Variants in FARP2 observed in about 807,000 individuals in gnomAD.
FARP2 encodes FERM, ARH/RhoGEF and pleckstrin domain protein 2.
In FARP2, 111 loss-of-function variants were observed where a neutral mutation model predicts 130.5. The observed-to-expected ratio is 0.85, with a 90% confidence interval of 0.73 to 1.00. The LOEUF (loss-of-function observed/expected upper bound fraction) is 1.00. Among genes scored for constraint, FARP2 ranks in the 50% least tolerant of loss-of-function variants. FARP2 has a pLI of 0.00. For missense variants in FARP2, 1,385 were observed against 1,346.3 expected (o/e 1.03, Z -0.45); for synonymous variants, 504 against 516.9 (o/e 0.98, Z 0.34).
rs1435000427 is a variant in FARP2 at position 241,436,517 on chromosome 2, G to C, written c.1137G>C (p.Leu379=). The C allele has an allele frequency of 1.6e-5, 26 of 1,614,218 alleles. No homozygotes were observed. Among genetic ancestry groups the C allele is most frequent in the Non-Finnish European group, 2.2e-5 (26 of 1,180,028 alleles). The change falls in exon 12 of 27, where the codon CTG becomes CTC. Residue 379 remains leucine (L), a synonymous_variant. Coordinates refer to ENST00000264042, the MANE Select transcript of FARP2 (RefSeq NM_014808.4). Reference sequence around the variant, plus strand: ...AGACCCACACGTCCGTTCGAGCTCTGACTGCAGACCTACCAAAACAGGTTA... The same window carrying C: ...AGACCCACACGTCCGTTCGAGCTCTCACTGCAGACCTACCAAAACAGGTTA... The part of the protein sequence containing the change: ...HSKTHTSVRA[L]TADLPKQSIS...
chr2:241,363,153 C>T (rs2061228307), intron 1 of FARP2, among the ~76,000 whole-genome samples: 1 of 152,224 alleles, frequency 6.6e-6, no homozygotes, highest in Non-Finnish European at 1.5e-5. Flanking sequence ...TCTGGCTGTC[C>T]AAAACCTGAA....
At chr2:241,387,102 T>C (rs2061802560) in intron 2 of FARP2, 1 of 152,238 alleles carries the variant, frequency 6.6e-6, no homozygotes, top group South Asian at 2.1e-4. Context: ...CACATTCTAG[T>C]TGCTCTTCTA....
At chr2:241,406,367 T>TTATA (rs142541198) in intron 4 of FARP2, among the ~76,000 whole-genome samples, 2 of 150,198 alleles carry the variant, frequency 1.3e-5, no homozygotes, top group African/African-American at 2.4e-5. Flanking sequence ...CTCTCTCTCT[T>TTATA]TATATATATA....
intron 1 of FARP2, among the ~76,000 whole-genome samples, chr2:241,363,213 G>T (rs1307397964): frequency 6.6e-6 from 1 of 152,178 alleles, no homozygotes. Context: ...TTTTGTAGTT[G>T]GGCCCCAAGA....
chr2:241,484,214 C>G, intron 20 of FARP2, 28 bp from the exon 21 acceptor site: 3 of 1,613,730 alleles, frequency 1.9e-6, no homozygotes, highest in Non-Finnish European at 2.5e-6. Context: ...TTGTGAAGTT[C>G]ATGGATGTAA....
At chr2:241,471,955 G>GC (rs2064328221) in intron 18 of FARP2, among the ~76,000 whole-genome samples, 48 of 151,232 alleles carry the variant, frequency 3.2e-4, no homozygotes, top group East Asian at 9.8e-4. Flanking sequence ...ATCCTGTTCT[G>GC]AAGGAATCCT....
At chr2:241,400,442 C>T (rs1051663661) in intron 2 of FARP2, among the ~76,000 whole-genome samples, 2 of 152,136 alleles carry the variant, frequency 1.3e-5, no homozygotes, top group African/African-American at 4.8e-5. Context: ...GGAACACACC[C>T]AAACAAATAA....
intron 8 of FARP2, among the ~76,000 whole-genome samples, chr2:241,427,018 T>C (rs1303005135): frequency 6.6e-6 from 1 of 152,124 alleles, no homozygotes; most frequent in Non-Finnish European, 1.5e-5. Context: ...GTAGATCACC[T>C]GAGGTCACAA....
At chr2:241,480,037 C>T (rs1250858136) in intron 19 of FARP2, among the ~76,000 whole-genome samples, 3 of 152,232 alleles carry the variant, frequency 2.0e-5, no homozygotes, top group Non-Finnish European at 4.4e-5. Flanking sequence ...CCACTGCCCA[C>T]ATGCTTTGAA....
chr2:241,390,235 G>A (rs1441180140), intron 2 of FARP2, among the ~76,000 whole-genome samples: 5 of 152,182 alleles, frequency 3.3e-5, no homozygotes, highest in Non-Finnish European at 7.4e-5. Flanking sequence ...CAGGATTTGA[G>A]AGTTCCTACT....
At chr2:241,428,315 A>G (rs2150391145) in intron 8 of FARP2, among the ~76,000 whole-genome samples, 1 of 149,696 alleles carries the variant, frequency 6.7e-6, no homozygotes, top group East Asian at 2.0e-4. Context: ...GCTCACTGCA[A>G]CCTGCGCCTC....
At chr2:241,439,232 G>A in intron 12 of FARP2, among the ~76,000 whole-genome samples, 1 of 151,818 alleles carries the variant, frequency 6.6e-6, no homozygotes, top group East Asian at 1.9e-4. Flanking sequence ...TGCCCAGGCT[G>A]GTCTCAAACT....
intron 26 of FARP2, 155 bp downstream of exon 26, chr2:241,493,599 T>C: frequency 2.6e-6 from 1 of 377,972 alleles, no homozygotes; most frequent in Non-Finnish European, 4.5e-6. Context: ...AATGCTTTGT[T>C]TTTTTTTTTT....
At chr2:241,463,829 C>G (rs1393829735) in intron 16 of FARP2, 70 bp from the exon 17 acceptor site, 1 of 1,337,884 alleles carries the variant, frequency 7.5e-7, no homozygotes, top group East Asian at 2.4e-5. Context: ...AGCTGTCACC[C>G]TGCGTCAGAT....
At chr2:241,380,079 G>A (rs559659954) in intron 2 of FARP2, among the ~76,000 whole-genome samples, 6 of 152,306 alleles carry the variant, frequency 3.9e-5, no homozygotes, top group South Asian at 2.1e-4. Context: ...CAGCAAGGGC[G>A]ACTGATGAAG....
intron 1 of FARP2, among the ~76,000 whole-genome samples, chr2:241,372,330 G>A (rs1187748815): frequency 6.6e-6 from 1 of 152,082 alleles, no homozygotes; most frequent in Non-Finnish European, 1.5e-5. Context: ...CTGCTACCAG[G>A]CATGTGGTCC....
intron 2 of FARP2, among the ~76,000 whole-genome samples, chr2:241,393,833 C>T (rs1318267520): frequency 2.0e-5 from 3 of 152,286 alleles, no homozygotes; most frequent in Middle Eastern, 3.4e-3. Flanking sequence ...TATACCTAAG[C>T]CTGGAAAAGG....
chr2:241,407,565 T>C lies in FARP2; in HGVS notation c.360T>C (p.Ala120=). ...RRPKNVVLRL[A]VKFFPPDPGQ... ...CAAAGAATGTGGTGCTTCGCCTAGC[T>C]GTAAAATTTTTTCCACCTGATCCTG... The change falls in exon 5 of 27, where the codon GCT becomes GCC. Residue 120 remains alanine, a synonymous_variant. Transcript: ENST00000264042. 6.2e-7 allele frequency: 1 copy of C among 1,614,140 alleles called. No individual in the cohort carries two copies. The highest frequency in any genetic ancestry group is 8.5e-7 in the Non-Finnish European group (1 of 1,179,966).
chr2:241,492,910 A>C lies in FARP2; in HGVS notation c.2788-19A>C. 1 of 1,495,244 alleles carries C rather than the reference A, an allele frequency of 6.7e-7. No individual in the cohort carries two copies. The highest frequency in any genetic ancestry group is 9.3e-7 in the Non-Finnish European group (1 of 1,071,674). The allele number at this position is 1,495,244 out of a possible 1,614,324, so 92.6% of individuals were successfully genotyped here. A position where few individuals can be genotyped will look rare whatever the true frequency, so the allele number is the denominator to read the frequency against. ...CCTGGGTGCTGGTTAATGCACCTGC[A>C]TTTTTCCTTTATTGACAGAACCAGC... On this transcript the variant is annotated intron_variant, in intron 24 of 26. Coordinates refer to ENST00000264042, the MANE Select transcript of FARP2 (RefSeq NM_014808.4).
Sources: gnomAD v4.1 joint callset for allele counts (sites outside exome capture counted in the v4.1 genomes callset) on GRCh38, gnomAD v4.1.1 for gene constraint, MANE v1.5 for transcripts, NCBI Gene and HGNC (gene_info 2026-07-23, HGNC 2026-07-21) for gene names.